DPP6: variants seen among roughly 807,000 people sequenced by gnomAD.
DPP6 encodes A-type potassium channel modulatory protein DPP6.
A neutral mutation model predicts 122.6 loss-of-function variants in DPP6; 69 were observed. The ratio of observed to expected loss-of-function variants is 0.56; its 90% CI spans 0.46 to 0.69. The LOEUF is 0.69. Ranked by LOEUF, DPP6 falls within the 30% of genes least tolerant of loss-of-function variation. The pLI is 0.00. For synonymous variants in DPP6, 418 were observed against 433.1 expected (o/e 0.97, Z 0.43); for missense variants, 928 against 1,116.9 (o/e 0.83, Z 2.41).
chr7:154,563,349 G>A (rs1563859753), intron 4 of DPP6, among the ~76,000 whole-genome samples: 2 of 152,216 alleles, frequency 1.3e-5, no homozygotes, highest in South Asian at 4.1e-4. Flanking sequence ...ACTAGGTCCA[G>A]CAGGGCTGCC....
chr7:153,930,797 G>A lies in DPP6; in HGVS notation c.51+43063G>A, dbSNP rs116702249. 5.3e-3 allele frequency among the ~76,000 whole-genome samples: 802 copies of A among 152,298 alleles called. 6 individuals are homozygous for A. The highest frequency in any genetic ancestry group is 0.019 in the African/African-American group (776 of 41,550). On this transcript the variant is annotated intron_variant, in intron 1 of 25. Transcript: ENST00000404039. ...TTGCTTTCAGGACCTGGGATATGTT[G>A]TAAGGACATGGTCTCTTGAATATCT... is the stretch of plus-strand genomic sequence containing the variant.
rs1030649121 is a variant in DPP6, at chr7:154,412,688, T to C, written c.244-33526T>C. 3.9e-5 allele frequency among the ~76,000 whole-genome samples: 6 copies of C among 152,178 alleles called. No homozygotes were observed. In the East Asian group the frequency reaches 1.2e-3, roughly 29 times the overall value. On this transcript the variant is annotated intron_variant, in intron 1 of 25. Transcript: ENST00000377770. ...AAGCAATATCTTTTTTTTTCAACTT[T>C]AGAAATCTTTTGAAGTTTTGCATTG...
chr7:154,686,843 G>A (rs71534155), intron 7 of DPP6, among the ~76,000 whole-genome samples: 14,323 of 152,156 alleles, frequency 0.094, 807 homozygotes, highest in African/African-American at 0.16. Flanking sequence ...TGAATAAAGA[G>A]TAATAAAATG....
At chr7:153,989,324 TGTGA>T (rs1441370937) in intron 1 of DPP6, among the ~76,000 whole-genome samples, 18 of 148,600 alleles carry the variant, frequency 1.2e-4, no homozygotes, top group Admixed American at 3.4e-4. Flanking sequence ...GTAAGATTTG[TGTGA>T]GTGTGAGTGT....
At chr7:154,344,081 A>C (rs1021792085) in intron 1 of DPP6, among the ~76,000 whole-genome samples, 1 of 152,174 alleles carries the variant, frequency 6.6e-6, no homozygotes, top group African/African-American at 2.4e-5. Context: ...GAAGAGACTG[A>C]TGAAAGGTAG....
chr7:154,338,930 G>A (rs1309440584), intron 1 of DPP6, among the ~76,000 whole-genome samples: 4 of 152,142 alleles, frequency 2.6e-5, no homozygotes, highest in African/African-American at 4.8e-5. Context: ...TTTCTCTTAC[G>A]GAGCAGCCTC....
intron 1 of DPP6, among the ~76,000 whole-genome samples, chr7:154,313,697 A>ATATATATATATATATATATAT: frequency 3.9e-5 from 1 of 25,334 alleles, no homozygotes; most frequent in Admixed American, 3.9e-4. Flanking sequence ...ATATATATAT[A>ATATATATATATATATATATAT]TATATATATA....
At chr7:154,396,201 T>C (rs1586154869) in intron 1 of DPP6, among the ~76,000 whole-genome samples, 1 of 152,360 alleles carries the variant, frequency 6.6e-6, no homozygotes, top group East Asian at 1.9e-4. Context: ...ATGTTCATTA[T>C]GTAGTTACTA....
At position 154,665,931 on chromosome 7, in the gene DPP6, C is replaced by T. The variant is rs369994056; in HGVS notation, c.681-3429C>T. ...TATTTGTCCCATTCTAGCATGCACA[C>T]AGTCTCAAAATTGATCCTCCAAACC... On this transcript the variant is annotated intron_variant, in intron 6 of 25. Transcript: ENST00000377770. Among the ~76,000 whole-genome samples the T allele has an allele frequency of 9.2e-5, 14 of 151,938 alleles. No homozygotes were observed. The South Asian group carries it at 2.9e-3, about 32-fold the overall frequency.
chr7:153,839,906 A>T, the DPP6 span, among the ~76,000 whole-genome samples: 3 of 152,326 alleles, frequency 2.0e-5, no homozygotes, highest in South Asian at 4.1e-4. Flanking sequence ...CATTTGGAGA[A>T]CTGTGGGTCT....
intron 1 of DPP6, among the ~76,000 whole-genome samples, chr7:154,164,089 T>C (rs1797113817): frequency 6.6e-6 from 1 of 152,168 alleles, no homozygotes. Context: ...ACCCAAGGTC[T>C]GGCCTCTGCT....
At chr7:154,646,018 A>C in intron 6 of DPP6, among the ~76,000 whole-genome samples, 1 of 92,220 alleles carries the variant, frequency 1.1e-5, no homozygotes, top group African/African-American at 4.4e-5. Flanking sequence ...GCAGAGTGAG[A>C]CTCCGTCTCA....
intron 1 of DPP6, among the ~76,000 whole-genome samples, chr7:154,325,962 T>A (rs2151027245): frequency 6.6e-6 from 1 of 152,324 alleles, no homozygotes. Context: ...AACCTGACAC[T>A]TTTATTGACC....
intron 5 of DPP6, among the ~76,000 whole-genome samples, chr7:154,633,657 T>C (rs571644574): frequency 1.4e-4 from 22 of 152,264 alleles, no homozygotes; most frequent in Non-Finnish European, 2.6e-4. Flanking sequence ...AGTGCCTTTC[T>C]AGATAAAACA....
the DPP6 span, among the ~76,000 whole-genome samples, chr7:153,753,495 G>T: frequency 6.6e-6 from 1 of 151,106 alleles, no homozygotes; most frequent in Non-Finnish European, 1.5e-5. Context: ...AAGGAATCTA[G>T]CTCCACCAGG....
At chr7:154,454,294 C>A (rs1246341734) in intron 2 of DPP6, among the ~76,000 whole-genome samples, 1 of 152,218 alleles carries the variant, frequency 6.6e-6, no homozygotes, top group Non-Finnish European at 1.5e-5. Flanking sequence ...CTACTCTGAT[C>A]ATGAAACACA....
intron 20 of DPP6, among the ~76,000 whole-genome samples, chr7:154,880,310 C>A (rs527275051): frequency 1.3e-5 from 2 of 152,214 alleles, no homozygotes; most frequent in Admixed American, 6.5e-5. Flanking sequence ...GAGCACCAAG[C>A]GGCTGCTGCC....
At chr7:154,484,136 A>C (rs2151376086) in intron 3 of DPP6, among the ~76,000 whole-genome samples, 1 of 152,332 alleles carries the variant, frequency 6.6e-6, no homozygotes, top group African/African-American at 2.4e-5. Flanking sequence ...TTTATATGGC[A>C]AATACCCTCT....
chr7:154,196,376 G>C, intron 1 of DPP6, among the ~76,000 whole-genome samples: 1 of 152,188 alleles, frequency 6.6e-6, no homozygotes, highest in Non-Finnish European at 1.5e-5. Context: ...TGTAATCCAA[G>C]CTATTCAGGA....
Sources: gnomAD v4.1 joint callset for allele counts (sites outside exome capture counted in the v4.1 genomes callset) on GRCh38, gnomAD v4.1.1 for gene constraint, MANE v1.5 for transcripts, NCBI Gene and HGNC (gene_info 2026-07-23, HGNC 2026-07-21) for gene names.